Variants in SLC45A4 observed in about 807,000 individuals in gnomAD.
SLC45A4 encodes solute carrier family 45 member 4, also known as polyamine-transporter SLC45A4.
A neutral mutation model predicts 63.7 loss-of-function variants in SLC45A4; 32 were observed. That is an observed-to-expected ratio of 0.50 (90% CI 0.38 to 0.67). The LOEUF (loss-of-function observed/expected upper bound fraction) is 0.67. Ranked by LOEUF, SLC45A4 falls within the 30% of genes least tolerant of loss-of-function variation. SLC45A4 has a pLI of 0.00. For missense variants in SLC45A4, 1,027 were observed against 1,157.7 expected (o/e 0.89, Z 1.64); for synonymous variants, 535 against 510.0 (o/e 1.05, Z -0.66).
At chr8:141,240,455 C>G (rs1292115830) in intron 2 of SLC45A4, among the ~76,000 whole-genome samples, 2 of 152,228 alleles carry the variant, frequency 1.3e-5, no homozygotes, top group Non-Finnish European at 2.9e-5. Context: ...AAAAACACAT[C>G]CCAGCGGGAA....
intron 1 of SLC45A4, among the ~76,000 whole-genome samples, chr8:141,298,211 C>T (rs1016267648): frequency 2.0e-5 from 3 of 152,236 alleles, no homozygotes; most frequent in Non-Finnish European, 4.4e-5. Flanking sequence ...GGGGATAACA[C>T]GATTACACTA....
chr8:141,212,449 C>T lies in SLC45A4; in HGVS notation c.2049G>A (p.Gly683=), dbSNP rs1324658074. The part of the protein sequence containing the change: ...ISQILVASAL[G]GVVDAVGTVR... ...CAGTCCCCACGGCGTCGACCACGCC[C>T]CCAAGGGCAGAGGCCACCAGGATCT... is the stretch of plus-strand genomic sequence containing the variant. The change falls in exon 8 of 9, where the codon GGG becomes GGA. Residue 683 remains glycine, a synonymous_variant. Transcript: ENST00000517878. The T allele has an allele frequency of 1.2e-6, 2 of 1,613,692 alleles. No homozygotes were observed. Among genetic ancestry groups the T allele is most frequent in the African/African-American group, 1.3e-5 (1 of 74,928 alleles).
At position 141,218,816 on chromosome 8, in the gene SLC45A4, C is replaced by T. The variant is rs373857925; in HGVS notation, c.824G>A (p.Gly275Asp). The change falls in exon 5 of 9, where the codon GGC becomes GAC. Residue 275 changes from glycine (G) to aspartate (D), a missense_variant. Coordinates refer to ENST00000517878, the MANE Select transcript of SLC45A4 (RefSeq NM_001286646.2). ...SAEEPGALDGGEPHGVPAFPD... is the reference protein window; with the variant it reads ...SAEEPGALDGDEPHGVPAFPD... ...GAAGGCAGGGACGCCGTGCGGCTCGCCCCCATCCAGGGCGCCGGGCTCCTC... is the reference window on the plus strand; with the variant it reads ...GAAGGCAGGGACGCCGTGCGGCTCGTCCCCATCCAGGGCGCCGGGCTCCTC... 1.2e-6 allele frequency: 2 copies of T among 1,612,942 alleles called. No homozygotes were observed. Among genetic ancestry groups the T allele is most frequent in the South Asian group, 1.1e-5 (1 of 91,050 alleles).
intron 3 of SLC45A4, among the ~76,000 whole-genome samples, chr8:141,221,128 A>C (rs1049380738): frequency 6.6e-6 from 1 of 152,278 alleles, no homozygotes; most frequent in Admixed American, 6.5e-5. Context: ...ATGTTTTAAC[A>C]GTTTTGATGG....
rs1828763951 is a variant in SLC45A4 at position 141,256,133 on chromosome 8, T to C, written c.-400-1504A>G. 6.6e-6 allele frequency among the ~76,000 whole-genome samples: 1 copy of C among 152,076 alleles called. No homozygotes were observed. The highest frequency in any genetic ancestry group is 1.5e-5 in the Non-Finnish European group (1 of 68,012). ...AAAGCAGCAATAAGCTAACTGGAAA[T>C]GCCACCTTGGAAATGTTTTAGGAAA... On this transcript the variant is annotated intron_variant, in intron 1 of 8. Coordinates refer to ENST00000517878, the MANE Select transcript of SLC45A4 (RefSeq NM_001286646.2). The surrounding 1 kb of genome is among the most constrained non-coding windows in gnomAD (Gnocchi z 4.3).
chr8:141,234,029 G>A (rs928306257), intron 2 of SLC45A4, among the ~76,000 whole-genome samples: 4 of 152,236 alleles, frequency 2.6e-5, no homozygotes, highest in Admixed American at 2.0e-4. Context: ...TCATCACCAG[G>A]CTTTTATGAG....
chr8:141,264,623 G>C (rs576228293), intron 1 of SLC45A4, among the ~76,000 whole-genome samples: 1 of 152,104 alleles, frequency 6.6e-6, no homozygotes. Context: ...AACTAGCCTG[G>C]GGGGAGCCAA....
intron 2 of SLC45A4, among the ~76,000 whole-genome samples, chr8:141,248,326 C>G (rs1371526117): frequency 6.6e-6 from 1 of 152,212 alleles, no homozygotes; most frequent in Non-Finnish European, 1.5e-5. Context: ...CCCCAGCACT[C>G]TGGGACTCAG....
intron 2 of SLC45A4, among the ~76,000 whole-genome samples, chr8:141,232,111 G>A (rs1366644559): frequency 1.3e-5 from 2 of 152,238 alleles, no homozygotes; most frequent in African/African-American, 4.8e-5. Context: ...GGTCTTCAGG[G>A]GTGAAGCTGA....
Position 141,212,379 on chromosome 8 carries a change from A to G in SLC45A4, c.2119T>C (p.Phe707Leu). The G allele has an allele frequency of 2.5e-6, 4 of 1,613,712 alleles. No individual in the cohort carries two copies. The highest frequency in any genetic ancestry group is 3.4e-6 in the Non-Finnish European group (4 of 1,180,024). Residue 707 changes from phenylalanine (F) to leucine (L), a missense_variant, in exon 8 of 9, where the codon TTC (phenylalanine) becomes CTC (leucine). Physicochemically the swap from Phe to Leu is conservative, Grantham distance 22 (BLOSUM62 0). Coordinates refer to ENST00000517878, the MANE Select transcript of SLC45A4 (RefSeq NM_001286646.2). ...ATCACCAGGAATGTGGCCGTCAGGAAGCCCAGGAAAGAGCCCACAGAGGCC... is the reference window on the plus strand; with the variant it reads ...ATCACCAGGAATGTGGCCGTCAGGAGGCCCAGGAAAGAGCCCACAGAGGCC... ...MVASVGSFLG[F>L]LTATFLVIYP... is the part of the protein sequence containing the mutation.
In SLC45A4 at chr8:141,218,313, C is replaced by A; in HGVS notation, c.1327G>T (p.Ala443Ser). The change falls in exon 5 of 9, where the codon GCC (alanine) becomes TCC (serine). Residue 443 changes from alanine to serine, a missense_variant. Ala to Ser is a moderately conservative substitution (Grantham distance 99). Coordinates refer to ENST00000517878, the MANE Select transcript of SLC45A4 (RefSeq NM_001286646.2). ...GGCTTGATCAGCACCACGGCGTTGG[C>A]GCGCCGGTAGCGGTAGCAGTGGGAC... ...LGSHCYRYRR[A>S]NAVVLIKPSR... 3 of 1,606,750 alleles carry A rather than the reference C, an allele frequency of 1.9e-6. 1 individual carries two copies. The South Asian group carries it at 3.3e-5, about 18-fold the overall frequency.
intron 1 of SLC45A4, among the ~76,000 whole-genome samples, chr8:141,263,243 T>TTG: frequency 6.7e-6 from 1 of 148,814 alleles, no homozygotes; most frequent in Admixed American, 6.7e-5. Flanking sequence ...AGGGATAGCA[T>TTG]GAAGAGATAT....
intron 7 of SLC45A4, among the ~76,000 whole-genome samples, chr8:141,214,832 C>T (rs974410098): frequency 3.9e-5 from 6 of 152,174 alleles, no homozygotes; most frequent in African/African-American, 1.4e-4. Context: ...AGTGCTGGGT[C>T]ATGACCTAGG....
Position 141,229,047 on chromosome 8 carries a change from A to G in SLC45A4, c.242-7282T>C, listed in dbSNP as rs1454996484. Among the ~76,000 whole-genome samples, 1 of 152,036 alleles carries G rather than the reference A, an allele frequency of 6.6e-6. No individual in the cohort carries two copies. The highest frequency in any genetic ancestry group is 2.4e-5 in the African/African-American group (1 of 41,374). On this transcript the variant is annotated intron_variant, in intron 2 of 8. Transcript: ENST00000517878. The surrounding 1 kb of genome is among the most constrained non-coding windows in gnomAD (Gnocchi z 5.0). ...GTCTCCCCATCGGCTCCTCCCGCCC[A>G]TGGGACCTTCGAAGACACTGCTGCC... is the stretch of plus-strand genomic sequence containing the variant.
chr8:141,259,403 A>C (rs888257325), intron 1 of SLC45A4, among the ~76,000 whole-genome samples: 1 of 152,158 alleles, frequency 6.6e-6, no homozygotes, highest in Non-Finnish European at 1.5e-5. Flanking sequence ...AGTGCTGCCC[A>C]TTGGTCGAGG....
intron 1 of SLC45A4, among the ~76,000 whole-genome samples, chr8:141,304,849 G>A (rs1414519080): frequency 6.6e-6 from 1 of 152,192 alleles, no homozygotes; most frequent in African/African-American, 2.4e-5. Flanking sequence ...AGTGGGTTAT[G>A]CGGCTGCCCT....
intron 2 of SLC45A4, 130 bp downstream of exon 2, chr8:141,253,859 G>A: frequency 7.2e-7 from 1 of 1,397,756 alleles, no homozygotes; most frequent in Non-Finnish European, 9.5e-7. Flanking sequence ...TGAAGGGAGA[G>A]GAGACAAAGA....
chr8:141,216,360 A>C (rs946295432), intron 6 of SLC45A4, among the ~76,000 whole-genome samples: 1 of 152,234 alleles, frequency 6.6e-6, no homozygotes, highest in African/African-American at 2.4e-5. Context: ...TGCCTCGGGA[A>C]CACACATTTT....
intron 2 of SLC45A4, among the ~76,000 whole-genome samples, chr8:141,240,694 C>T (rs143425210): frequency 1.3e-3 from 200 of 152,332 alleles, no homozygotes; most frequent in African/African-American, 4.4e-3. Flanking sequence ...TGCAGTGAGC[C>T]GTGATCGCAC....
Sources: allele counts gnomAD v4.1 joint callset (sites outside exome capture counted in the v4.1 genomes callset), GRCh38; gene constraint gnomAD v4.1.1; non-coding constraint Gnocchi (gnomAD v3.1); transcripts MANE v1.5; gene names NCBI Gene and HGNC (gene_info 2026-07-23, HGNC 2026-07-21).